The following ST7 variants were observed in gnomAD, a reference collection of about 807,000 sequenced individuals.
The protein encoded by ST7 is suppressor of tumorigenicity 7 protein.
In ST7, 28 loss-of-function variants were observed where a neutral mutation model predicts 78.7. That is an observed-to-expected ratio of 0.36 (90% CI 0.26 to 0.49). The LOEUF is 0.49. Ranked by LOEUF, ST7 falls within the 20% of genes least tolerant of loss-of-function variation. The pLI is 0.99. For missense variants in ST7, 418 were observed against 696.0 expected, an observed-to-expected ratio of 0.60 and a Z score of 4.49; for synonymous variants, 247 against 249.6, an observed-to-expected ratio of 0.99 and a Z score of 0.10.
At chr7:117,035,750 A>G (rs1190156185) in intron 1 of ST7, among the ~76,000 whole-genome samples, 1 of 152,130 alleles carries the variant, frequency 6.6e-6, no homozygotes, top group African/African-American at 2.4e-5. Context: ...TTAGGTTTAT[A>G]GAGTTAATTT....
intron 9 of ST7, among the ~76,000 whole-genome samples, chr7:117,159,093 A>G (rs1806927609): frequency 6.6e-6 from 1 of 152,234 alleles, no homozygotes; most frequent in Non-Finnish European, 1.5e-5. Flanking sequence ...AAAATGCTTA[A>G]ATAGATACAA....
intron 1 of ST7, among the ~76,000 whole-genome samples, chr7:117,095,301 G>T (rs1800943643): frequency 1.3e-5 from 2 of 152,164 alleles, no homozygotes; most frequent in Non-Finnish European, 2.9e-5. Context: ...TCCTGAGTAA[G>T]CCTTCTGGTG....
At chr7:116,980,847 G>A (rs4282507) in intron 1 of ST7, among the ~76,000 whole-genome samples, 144,275 of 152,334 alleles carry the variant, frequency 0.95, 68,842 homozygotes, top group East Asian at 1. Flanking sequence ...AATTAGATTT[G>A]TTAATCAGAA....
chr7:117,206,348 T>C (rs1173074903), intron 12 of ST7, among the ~76,000 whole-genome samples: 2 of 152,164 alleles, frequency 1.3e-5, no homozygotes, highest in Admixed American at 1.3e-4. Context: ...ATTACCTTGA[T>C]GTGCAAGGCT....
At chr7:117,055,289 G>A (rs944358557) in intron 1 of ST7, among the ~76,000 whole-genome samples, 11 of 151,868 alleles carry the variant, frequency 7.2e-5, no homozygotes, top group East Asian at 1.9e-4. Context: ...TGCAACCTCC[G>A]TCTCCTGAGT....
chr7:117,174,389 C>T (rs1432455489), intron 10 of ST7, among the ~76,000 whole-genome samples: 3 of 152,130 alleles, frequency 2.0e-5, no homozygotes, highest in Non-Finnish European at 4.4e-5. Flanking sequence ...TTGGTAGATA[C>T]TGTTGTTAGC....
Position 117,129,846 on chromosome 7 carries a change from C to G in ST7, c.448C>G (p.Arg150Gly). ...TTTATTTAGGGGTGCTGAATACAAT[C>G]GGTAAGCATTTTGACAGCTTGGGAA... ...LNLFRGAEYN[R>G]YTWVTGREPL... Residue 150 changes from arginine (R) to glycine (G), a missense_variant and splice_region_variant, in exon 4 of 16, where the codon CGG becomes GGG. Around this residue, in one of 4 missense-constraint regions of ST7, gnomAD observed 288 missense variants for 537.1 expected, o/e 0.54. Transcript: ENST00000323984. 6.2e-7 allele frequency: 1 copy of G among 1,608,564 alleles called. No homozygotes were observed. The highest frequency in any genetic ancestry group is 8.5e-7 in the Non-Finnish European group (1 of 1,177,314).
intron 13 of ST7, among the ~76,000 whole-genome samples, chr7:117,212,855 GAAGA>G (rs1423226191): frequency 6.6e-6 from 1 of 152,054 alleles, no homozygotes; most frequent in Admixed American, 6.5e-5. Flanking sequence ...ATGCAATTTA[GAAGA>G]AAGAATTACC....
intron 9 of ST7, among the ~76,000 whole-genome samples, chr7:117,157,239 C>T (rs1806770620): frequency 6.6e-6 from 1 of 152,100 alleles, no homozygotes; most frequent in Admixed American, 6.5e-5. Flanking sequence ...CTTTGGGCAA[C>T]GAGGAGAAGC....
At chr7:116,966,126 C>T (rs1473104204) in intron 1 of ST7, 3 of 461,232 alleles carry the variant, frequency 6.5e-6, no homozygotes, top group African/African-American at 6.1e-5. Context: ...GTAACACCTG[C>T]AAAAACAAAA....
At chr7:117,117,929 A>C (rs960222736) in intron 2 of ST7, 1 of 152,210 alleles carries the variant, frequency 6.6e-6, no homozygotes, top group African/African-American at 2.4e-5. Flanking sequence ...TTCTAGATCC[A>C]TGGTGTGTAA....
rs1402745059 is a variant in ST7, at chr7:117,228,929, C to T, written c.1639-833C>T. On this transcript the variant is annotated intron_variant, in intron 15 of 15. Coordinates refer to ENST00000323984, the MANE Select transcript of ST7 (RefSeq NM_001369598.1). ...GCAATGAAACCATCCCAACAACTCT[C>T]TCTTCCCTGACTGGGATAGGGCACC... 2.0e-5 allele frequency among the ~76,000 whole-genome samples: 3 copies of T among 152,176 alleles called. No individual in the cohort carries two copies. The South Asian group carries it at 6.2e-4, about 32-fold the overall frequency.
chr7:117,172,796 A>C (rs997691762), intron 10 of ST7, among the ~76,000 whole-genome samples: 1 of 152,226 alleles, frequency 6.6e-6, no homozygotes, highest in Non-Finnish European at 1.5e-5. Context: ...ATGCTGACCT[A>C]TACTCAATCT....
chr7:117,204,889 G>T (rs77440657), intron 12 of ST7, among the ~76,000 whole-genome samples: 5,656 of 152,174 alleles, frequency 0.037, 340 homozygotes, highest in African/African-American at 0.13. Flanking sequence ...CATACATATA[G>T]AGAGAGAGAA....
chr7:116,980,973 G>A (rs548148692), intron 1 of ST7, among the ~76,000 whole-genome samples: 30 of 152,264 alleles, frequency 2.0e-4, no homozygotes, highest in Non-Finnish European at 2.9e-4. Context: ...TTTAGTAGCC[G>A]TGTCTCTCCA....
chr7:117,015,786 G>C (rs1795583025), intron 1 of ST7, among the ~76,000 whole-genome samples: 1 of 152,138 alleles, frequency 6.6e-6, no homozygotes, highest in Non-Finnish European at 1.5e-5. Flanking sequence ...CCCTAAATTT[G>C]AACTTTTGGG....
rs142355701 is a variant in ST7 at position 117,080,403 on chromosome 7, G to C, written c.152-19359G>C. Among the ~76,000 whole-genome samples, 1,434 of 152,110 alleles carry C rather than the reference G, an allele frequency of 9.4e-3. 23 individuals are homozygous for C. The highest frequency in any genetic ancestry group is 0.032 in the African/African-American group (1,344 of 41,506). ...ATCATTTTCCTGTCATTTATAACTT[G>C]ATTTTTAATGGCTGCATACTATTCT... On this transcript the variant is annotated intron_variant, in intron 1 of 15. Transcript: ENST00000323984.
intron 14 of ST7, 56 bp from the exon 15 acceptor site, chr7:117,221,867 C>T: frequency 6.5e-7 from 1 of 1,531,778 alleles, no homozygotes; most frequent in African/African-American, 1.4e-5. Flanking sequence ...TAAAGACCTC[C>T]CCTGAGAGTG....
At chr7:117,130,444 G>C in intron 4 of ST7, 47 bp from the exon 5 acceptor site, 1 of 1,393,234 alleles carries the variant, frequency 7.2e-7, no homozygotes, top group African/African-American at 1.4e-5. Flanking sequence ...TATAGGTCTT[G>C]CTTTTCTCTC....
Sources: allele counts gnomAD v4.1 joint callset (sites outside exome capture counted in the v4.1 genomes callset), GRCh38; gene constraint gnomAD v4.1.1; regional missense constraint gnomAD v4.1.1; transcripts MANE v1.5; gene names NCBI Gene and HGNC (gene_info 2026-07-23, HGNC 2026-07-21).